Variants in LRRC37A2 observed in about 807,000 individuals in gnomAD.
The protein encoded by LRRC37A2 is leucine rich repeat containing 37 member A2.
In LRRC37A2, 9 loss-of-function variants were observed where a neutral mutation model predicts 68.8. The observed-to-expected ratio is 0.13, with a 90% CI of 0.08 to 0.23. The LOEUF (loss-of-function observed/expected upper bound fraction) is 0.23. Among genes scored for constraint, LRRC37A2 ranks in the 10% least tolerant of loss-of-function variants. LRRC37A2 has a pLI of 1.00. For missense variants in LRRC37A2, 168 were observed against 950.4 expected (o/e 0.18, Z 10.82); for synonymous variants, 63 against 367.6 (o/e 0.17, Z 9.48).
chr17:46,559,046 G>A (rs1265858672), downstream of LRRC37A2: 4 of 80,474 alleles, frequency 5.0e-5, no homozygotes, highest in African/African-American at 2.7e-4. Flanking sequence ...AAGCAGAGGT[G>A]CCCTGGCATC....
chr17:46,602,780 A>G, the LRRC37A2 span, among the ~76,000 whole-genome samples: 5 of 146,754 alleles, frequency 3.4e-5, 2 homozygotes, highest in African/African-American at 1.3e-4. Context: ...AGAGAATAAT[A>G]TTGATATAAT....
At chr17:46,889,703 G>A in the LRRC37A2 span, among the ~76,000 whole-genome samples, 1 of 152,118 alleles carries the variant, frequency 6.6e-6, no homozygotes, top group South Asian at 2.1e-4. Flanking sequence ...CAGACACCAA[G>A]CCCTTGTTTA....
chr17:47,019,329 C>T, the LRRC37A2 span: 1 of 1,609,540 alleles, frequency 6.2e-7, no homozygotes. Context: ...GCATTCACAC[C>T]TGACTCAAGC....
the LRRC37A2 span, chr17:46,755,741 T>G: frequency 3.0e-6 from 4 of 1,314,080 alleles, no homozygotes; most frequent in African/African-American, 4.8e-5. Context: ...TTTTTTTTTT[T>G]GATGAATAGT....
the LRRC37A2 span, among the ~76,000 whole-genome samples, chr17:46,420,990 G>T: frequency 4.2e-4 from 20 of 47,318 alleles, 2 homozygotes; most frequent in African/African-American, 1.4e-3. Flanking sequence ...GTAGAGATGG[G>T]GTTTCACCAT....
chr17:46,930,955 T>TA, the LRRC37A2 span: 23 of 648,716 alleles, frequency 3.5e-5, no homozygotes, highest in Admixed American at 6.1e-4. Flanking sequence ...TTTTTTCTGT[T>TA]ATTCATTAGT....
the LRRC37A2 span, among the ~76,000 whole-genome samples, chr17:46,816,475 GCA>G: frequency 0.052 from 7,467 of 144,208 alleles, 278 homozygotes; most frequent in African/African-American, 0.11. Flanking sequence ...CAGAACACAC[GCA>G]CACACACACA....
At chr17:46,953,055 A>T in the LRRC37A2 span, among the ~76,000 whole-genome samples, 111 of 151,348 alleles carry the variant, frequency 7.3e-4, no homozygotes, top group African/African-American at 2.5e-3. Context: ...TTTTTATTTT[A>T]TTATTATTTT....
the LRRC37A2 span, among the ~76,000 whole-genome samples, chr17:47,020,778 T>A: frequency 3.0e-4 from 1 of 3,310 alleles, no homozygotes; most frequent in African/African-American, 8.8e-4. Flanking sequence ...CAAGACTCCA[T>A]CTCAAAAAAA....
chr17:46,755,682 T>G, the LRRC37A2 span: 2 of 1,100,110 alleles, frequency 1.8e-6, no homozygotes, highest in Non-Finnish European at 2.6e-6. Context: ...AGCAAATGCA[T>G]AGTGGGAAAT....
chr17:46,847,018 A>T, the LRRC37A2 span, among the ~76,000 whole-genome samples: 17 of 152,224 alleles, frequency 1.1e-4, no homozygotes, highest in African/African-American at 4.1e-4. Flanking sequence ...ATGTATTGTT[A>T]TGTATTTTTC....
chr17:46,812,879 G>A, the LRRC37A2 span, among the ~76,000 whole-genome samples: 1 of 152,124 alleles, frequency 6.6e-6, no homozygotes, highest in African/African-American at 2.4e-5. Flanking sequence ...ATTCTAAGAA[G>A]TATTCACTCA....
the LRRC37A2 span, chr17:46,833,587 T>C: frequency 2.7e-6 from 1 of 368,062 alleles, no homozygotes; most frequent in Non-Finnish European, 5.4e-6. Context: ...CTCAGTGTGG[T>C]GGGCAGCCCT....
the LRRC37A2 span, among the ~76,000 whole-genome samples, chr17:46,818,048 T>C: frequency 5.5e-3 from 839 of 151,842 alleles, 8 homozygotes; most frequent in African/African-American, 0.018. Context: ...AAAGGGGGGT[T>C]ATTATGGGGA....
At chr17:46,824,743 A>G in the LRRC37A2 span, among the ~76,000 whole-genome samples, 1 of 152,122 alleles carries the variant, frequency 6.6e-6, no homozygotes, top group South Asian at 2.1e-4. Context: ...GGCAGGGCCG[A>G]GGTCTCAGAT....
the LRRC37A2 span, among the ~76,000 whole-genome samples, chr17:46,839,918 T>TTC: frequency 5.3e-5 from 4 of 76,100 alleles, no homozygotes; most frequent in African/African-American, 1.1e-4. Context: ...TCTCTTTTCT[T>TTC]TCTTTCTTTC....
chr17:46,923,469 C>T, the LRRC37A2 span: 9 of 1,400,616 alleles, frequency 6.4e-6, no homozygotes, highest in Non-Finnish European at 8.3e-6. Flanking sequence ...TCGTGACTAC[C>T]TGCTGGGTAG....
At chr17:46,900,282 G>A in the LRRC37A2 span, among the ~76,000 whole-genome samples, 8 of 139,890 alleles carry the variant, frequency 5.7e-5, no homozygotes, top group Admixed American at 3.7e-4. Context: ...ATGGAATCTC[G>A]CTCTGTTGCC....
the LRRC37A2 span, among the ~76,000 whole-genome samples, chr17:47,007,168 C>CT: frequency 2.0e-5 from 3 of 152,042 alleles, no homozygotes; most frequent in South Asian, 4.2e-4. Context: ...GATTTTCTTT[C>CT]TTTTTTTTCT....
Sources: gnomAD v4.1 joint callset for allele counts (sites outside exome capture counted in the v4.1 genomes callset) on GRCh38, gnomAD v4.1.1 for gene constraint, MANE v1.5 for transcripts, NCBI Gene and HGNC (gene_info 2026-07-23, HGNC 2026-07-21) for gene names.